LARGE1: variants seen among roughly 807,000 people sequenced by gnomAD.
LARGE1 encodes the protein xylosyl- and glucuronyltransferase LARGE1.
In LARGE1, 43 loss-of-function variants were observed where a neutral mutation model predicts 87.6. The observed-to-expected ratio is 0.49, with a 90% CI of 0.38 to 0.63. The LOEUF (loss-of-function observed/expected upper bound fraction) is 0.63, where lower values mean the gene tolerates loss of function less well. Among genes scored for constraint, LARGE1 ranks in the 30% least tolerant of loss-of-function variants. The pLI is 0.00. For missense variants in LARGE1, 802 were observed against 1,000.2 expected, an observed-to-expected ratio of 0.80 and a Z score of 2.67; for synonymous variants, 434 against 394.6, an observed-to-expected ratio of 1.10 and a Z score of -1.18.
At chr22:33,172,733 T>C (rs751208317) in intron 11 of LARGE1, among the ~76,000 whole-genome samples, 1 of 152,102 alleles carries the variant, frequency 6.6e-6, no homozygotes, top group Non-Finnish European at 1.5e-5. Context: ...AATAGTCAAA[T>C]TGATCAAGTG....
intron 1 of LARGE1, among the ~76,000 whole-genome samples, chr22:33,826,664 T>C (rs962665900): frequency 6.6e-6 from 1 of 152,060 alleles, no homozygotes; most frequent in African/African-American, 2.4e-5. Flanking sequence ...TAAGGAGACA[T>C]GTGATTGCCT....
At chr22:33,858,054 C>A (rs148966826) in intron 1 of LARGE1, among the ~76,000 whole-genome samples, 1 of 152,068 alleles carries the variant, frequency 6.6e-6, no homozygotes, top group African/African-American at 2.4e-5. Flanking sequence ...GAATCTTGGG[C>A]CATGTGGTGA....
At position 33,540,472 on chromosome 22, in the gene LARGE1, C is replaced by T. The variant is rs148023196; in HGVS notation, c.787+24376G>A. 5.1e-3 allele frequency among the ~76,000 whole-genome samples: 773 copies of T among 152,302 alleles called. 6 individuals are homozygous for T. Among genetic ancestry groups the T allele is most frequent in the Non-Finnish European group, 6.6e-3 (447 of 68,034 alleles). ...TCTTGACACAAAATAAACAGGATGA[C>T]CCTTTTCCCTGGGAGGGACAAGTGC... On this transcript the variant is annotated intron_variant, in intron 6 of 14. Coordinates refer to ENST00000397394, the MANE Select transcript of LARGE1 (RefSeq NM_133642.5).
chr22:33,505,296 G>A (rs978050635), intron 6 of LARGE1, among the ~76,000 whole-genome samples: 7 of 152,234 alleles, frequency 4.6e-5, no homozygotes, highest in East Asian at 3.9e-4. Context: ...GCTGGGTGAA[G>A]CTGAGGCTTT....
intron 7 of LARGE1, among the ~76,000 whole-genome samples, chr22:33,405,414 C>T (rs957605212): frequency 1.1e-4 from 17 of 152,320 alleles, no homozygotes; most frequent in African/African-American, 3.8e-4. Flanking sequence ...CTTCAGGACA[C>T]GCTTCAGATC....
At chr22:33,395,157 A>G (rs1207398068) in intron 7 of LARGE1, among the ~76,000 whole-genome samples, 1 of 141,032 alleles carries the variant, frequency 7.1e-6, no homozygotes, top group Non-Finnish European at 1.5e-5. Context: ...TGAACCCCGG[A>G]GGCGGAGCTT....
At chr22:33,643,775 T>C (rs745744224) in intron 3 of LARGE1, among the ~76,000 whole-genome samples, 5 of 152,204 alleles carry the variant, frequency 3.3e-5, no homozygotes, top group Non-Finnish European at 7.3e-5. Context: ...CAGAGAATAC[T>C]GTAAACATCT....
chr22:33,223,354 A>T (rs1925553357), intron 11 of LARGE1, among the ~76,000 whole-genome samples: 1 of 152,224 alleles, frequency 6.6e-6, no homozygotes, highest in African/African-American at 2.4e-5. Context: ...CCAATTGGGC[A>T]TTTCAGGGAT....
chr22:33,115,613 G>T, the LARGE1 span, among the ~76,000 whole-genome samples: 3 of 151,810 alleles, frequency 2.0e-5, no homozygotes, highest in Non-Finnish European at 4.4e-5. Context: ...GTCAGGAGAT[G>T]GAGACCATCC....
At chr22:33,293,306 T>C (rs548435193) in intron 12 of LARGE1, among the ~76,000 whole-genome samples, 1 of 152,362 alleles carries the variant, frequency 6.6e-6, no homozygotes, top group Non-Finnish European at 1.5e-5. Context: ...AAGTGCTTTA[T>C]ATGCATTACT....
At chr22:33,445,930 G>C (rs985023438) in intron 6 of LARGE1, among the ~76,000 whole-genome samples, 1 of 151,686 alleles carries the variant, frequency 6.6e-6, no homozygotes, top group Non-Finnish European at 1.5e-5. Flanking sequence ...GATTACAGGC[G>C]TGAGCCACTG....
chr22:33,129,309 A>T, the LARGE1 span, among the ~76,000 whole-genome samples: 36 of 152,278 alleles, frequency 2.4e-4, no homozygotes, highest in Non-Finnish European at 4.1e-4. Context: ...TCAGGTTTTT[A>T]TCTTAATTGT....
intron 2 of LARGE1, among the ~76,000 whole-genome samples, chr22:33,706,222 G>A: frequency 6.6e-6 from 1 of 152,220 alleles, no homozygotes; most frequent in East Asian, 1.9e-4. Flanking sequence ...ACAAATGCAT[G>A]TCTTTCTCTT....
intron 1 of LARGE1, among the ~76,000 whole-genome samples, chr22:33,838,269 G>A (rs750784324): frequency 2.0e-5 from 3 of 152,136 alleles, no homozygotes; most frequent in African/African-American, 7.2e-5. Context: ...CATTCTATGT[G>A]GGGACTATGG....
Position 33,602,940 on chromosome 22 carries a change from C to T in LARGE1, c.615+1495G>A, listed in dbSNP as rs190511033. 2.0e-5 allele frequency among the ~76,000 whole-genome samples: 3 copies of T among 152,350 alleles called. No individual in the cohort carries two copies. The East Asian group carries it at 5.8e-4, about 29-fold the overall frequency. ...CATCCTTCGGAACCAGCTGCTGCTC[C>T]TCCTCCCATGTTGCTTTTCCCCCAT... On this transcript the variant is annotated intron_variant, in intron 5 of 14. Transcript: ENST00000397394.
intron 11 of LARGE1, among the ~76,000 whole-genome samples, chr22:33,241,111 G>A (rs913798377): frequency 6.6e-6 from 1 of 152,164 alleles, no homozygotes; most frequent in African/African-American, 2.4e-5. Flanking sequence ...CGGTGTAGCT[G>A]CATGGTCAAG....
At chr22:33,777,133 C>T (rs528652801) in intron 1 of LARGE1, among the ~76,000 whole-genome samples, 10 of 152,258 alleles carry the variant, frequency 6.6e-5, no homozygotes, top group African/African-American at 9.6e-5. Context: ...GAAGTCATTC[C>T]TGGCAGAAAG....
At chr22:33,531,066 C>T (rs1369833110) in intron 6 of LARGE1, among the ~76,000 whole-genome samples, 1 of 152,226 alleles carries the variant, frequency 6.6e-6, no homozygotes, top group African/African-American at 2.4e-5. Flanking sequence ...ACTTTGGCCT[C>T]TCCATCCATA....
At chr22:33,681,515 A>T (rs935048343) in intron 2 of LARGE1, among the ~76,000 whole-genome samples, 2 of 152,212 alleles carry the variant, frequency 1.3e-5, no homozygotes, top group African/African-American at 4.8e-5. Context: ...GTGAAGATTA[A>T]AACAGATAAC....
Sources: allele counts gnomAD v4.1 joint callset (sites outside exome capture counted in the v4.1 genomes callset), GRCh38; gene constraint gnomAD v4.1.1; transcripts MANE v1.5; gene names NCBI Gene and HGNC (gene_info 2026-07-23, HGNC 2026-07-21).